Variants in LRTM3 observed in about 807,000 individuals in gnomAD.
LRTM3 encodes the protein leucine rich repeat transmembrane protein 3.
the LRTM3 span, chr13:102,742,656 C>G: frequency 3.9e-6 from 6 of 1,550,678 alleles, no homozygotes; most frequent in Non-Finnish European, 5.2e-6. Context: ...ACAGCATAAC[C>G]TGCAGTATCA....
chr13:102,748,314 T>C, the LRTM3 span: 1 of 1,551,212 alleles, frequency 6.4e-7, no homozygotes, highest in South Asian at 1.2e-5. Flanking sequence ...AGATTTACAC[T>C]TTCTGTATTC....
chr13:102,750,106 T>C, the LRTM3 span: 2 of 1,551,122 alleles, frequency 1.3e-6, no homozygotes, highest in Non-Finnish European at 1.7e-6. Flanking sequence ...TCATTGAAAA[T>C]AATTTCTTGG....
chr13:102,750,289 T>C, the LRTM3 span: 3 of 1,549,542 alleles, frequency 1.9e-6, no homozygotes, highest in African/African-American at 4.1e-5. Flanking sequence ...TACCTGACCA[T>C]AGTATTTCAC....
the LRTM3 span, chr13:102,750,158 G>A: frequency 1.9e-6 from 3 of 1,551,074 alleles, no homozygotes; most frequent in South Asian, 1.2e-5. Context: ...TGGATGCTCT[G>A]TATGGCTTAG....
the LRTM3 span, chr13:102,735,732 A>G: frequency 6.5e-7 from 1 of 1,549,644 alleles, no homozygotes; most frequent in Non-Finnish European, 8.7e-7. Flanking sequence ...GACTCAGTAT[A>G]TGCTTTTTTG....
At chr13:102,748,762 T>G in the LRTM3 span, 1 of 1,550,230 alleles carries the variant, frequency 6.5e-7, no homozygotes, top group Non-Finnish European at 8.7e-7. Flanking sequence ...CATTTGTTTC[T>G]ACTAGTAAAC....
the LRTM3 span, chr13:102,744,203 C>T: frequency 2.9e-4 from 445 of 1,550,384 alleles, no homozygotes; most frequent in African/African-American, 4.3e-3. Flanking sequence ...CTGCAAAATT[C>T]GTAGTTGCTT....
the LRTM3 span, chr13:102,734,013 G>T: frequency 6.4e-7 from 1 of 1,551,432 alleles, no homozygotes; most frequent in African/African-American, 1.4e-5. Flanking sequence ...TCCAGATAAA[G>T]AGGAGGTGCT....
chr13:102,758,893 T>C, the LRTM3 span: 5 of 1,545,658 alleles, frequency 3.2e-6, no homozygotes, highest in Middle Eastern at 1.7e-4. Flanking sequence ...TCCAGTCCAC[T>C]CCCTACCCCT....
chr13:102,731,501 G>C, the LRTM3 span: 1 of 1,551,222 alleles, frequency 6.4e-7, no homozygotes, highest in Non-Finnish European at 8.7e-7. Flanking sequence ...TTTGTGCTGC[G>C]TTTTGGGATA....
At chr13:102,748,771 A>G in the LRTM3 span, 10 of 1,550,396 alleles carry the variant, frequency 6.4e-6, no homozygotes, top group South Asian at 1.2e-4. Flanking sequence ...CTACTAGTAA[A>G]CAAGGTGCTT....
chr13:102,733,052 A>G, the LRTM3 span: 5 of 1,551,276 alleles, frequency 3.2e-6, no homozygotes, highest in African/African-American at 1.4e-5. Context: ...TCCTGGTAGC[A>G]TCTGTAGGCT....
the LRTM3 span, chr13:102,748,731 T>C: frequency 6.5e-7 from 1 of 1,549,868 alleles, no homozygotes; most frequent in East Asian, 2.4e-5. Flanking sequence ...ATTGAGTCTT[T>C]AAGAGATTCT....
At chr13:102,757,592 T>G in the LRTM3 span, among the ~76,000 whole-genome samples, 1 of 152,246 alleles carries the variant, frequency 6.6e-6, no homozygotes, top group African/African-American at 2.4e-5. Context: ...TGCTGCTGTT[T>G]CTGTTCATGT....
chr13:102,736,530 T>C, the LRTM3 span: 61,376 of 1,551,150 alleles, frequency 0.04, 1,546 homozygotes, highest in South Asian at 0.08. Context: ...AGATGTGGCA[T>C]AAAGCTTCTT....
chr13:102,744,406 C>A, the LRTM3 span: 1 of 1,550,048 alleles, frequency 6.5e-7, no homozygotes, highest in Non-Finnish European at 8.7e-7. Flanking sequence ...GATTTTCATC[C>A]CAAGGGGTAT....
At chr13:102,747,114 C>G in the LRTM3 span, 1 of 1,550,896 alleles carries the variant, frequency 6.4e-7, no homozygotes, top group Non-Finnish European at 8.7e-7. Context: ...AATTTAGCAT[C>G]TAGTGTGTTT....
the LRTM3 span, chr13:102,745,254 G>C: frequency 2.1e-5 from 33 of 1,550,632 alleles, no homozygotes; most frequent in Admixed American, 3.9e-5. Flanking sequence ...CTTTCTTCTT[G>C]CTCTTCATCT....
the LRTM3 span, chr13:102,744,576 T>C: frequency 1.9e-6 from 3 of 1,550,476 alleles, no homozygotes; most frequent in South Asian, 2.4e-5. Flanking sequence ...TCTTGCTTTG[T>C]TTTTTGCACT....
Sources: allele counts gnomAD v4.1 joint callset (sites outside exome capture counted in the v4.1 genomes callset), GRCh38; gene constraint gnomAD v4.1.1; transcripts MANE v1.5; gene names NCBI Gene and HGNC (gene_info 2026-07-23, HGNC 2026-07-21).